Variants in DLGAP4 observed in about 807,000 individuals in gnomAD.
The protein encoded by DLGAP4 is DLG associated protein 4.
A neutral mutation model predicts 86.9 loss-of-function variants in DLGAP4; 18 were observed. The observed-to-expected ratio is 0.21, with a 90% CI of 0.14 to 0.31. DLGAP4 has a LOEUF of 0.31. Ranked by LOEUF, DLGAP4 falls within the 10% of genes least tolerant of loss-of-function variation. The pLI, the probability that DLGAP4 is intolerant of heterozygous loss-of-function variation, is 1.00. For missense variants in DLGAP4, 1,085 were observed against 1,362.6 expected (o/e 0.80, Z 3.21); for synonymous variants, 548 against 574.3 (o/e 0.95, Z 0.65).
intron 2 of DLGAP4, among the ~76,000 whole-genome samples, chr20:36,386,148 T>C (rs2031588145): frequency 6.6e-6 from 1 of 152,174 alleles, no homozygotes; most frequent in African/African-American, 2.4e-5. Context: ...CCCCTGAACC[T>C]TTCAGCAGCC....
At chr20:36,409,069 T>A (rs2032410347) in intron 2 of DLGAP4, among the ~76,000 whole-genome samples, 1 of 130,394 alleles carries the variant, frequency 7.7e-6, no homozygotes, top group Non-Finnish European at 1.6e-5. Context: ...AGAGTCTCGC[T>A]CTGTCACCCA....
chr20:36,515,551 C>T (rs1003778294), intron 10 of DLGAP4, among the ~76,000 whole-genome samples: 9 of 151,982 alleles, frequency 5.9e-5, no homozygotes, highest in African/African-American at 1.9e-4. Context: ...TCATTCTTAC[C>T]ATGTTATTTT....
In DLGAP4 at chr20:36,439,805, G is replaced by C. The variant is rs145596733; in HGVS notation, c.1293G>C (p.Pro431=). ...ACATGCTGCTGCCCTCCAAGTGTCC[G>C]AGCTGGGAAGAGGACTACACCCCCG... ...SVDMLLPSKC[P]SWEEDYTPVS... The change falls in exon 5 of 13, where the codon CCG becomes CCC. Residue 431 remains proline (P), a synonymous_variant. Coordinates refer to ENST00000339266, the MANE Select transcript of DLGAP4 (RefSeq NM_001365621.2). The C allele has an allele frequency of 1.2e-6, 2 of 1,613,840 alleles. No individual in the cohort carries two copies. The highest frequency in any genetic ancestry group is 2.2e-5 in the East Asian group (1 of 44,882).
At chr20:36,339,739 C>T (rs971030036) in intron 1 of DLGAP4, among the ~76,000 whole-genome samples, 3 of 152,198 alleles carry the variant, frequency 2.0e-5, no homozygotes, top group Admixed American at 2.0e-4. Flanking sequence ...CACAAACTCC[C>T]AGTGGGCCAT....
At position 36,431,058 on chromosome 20, in the gene DLGAP4, G is replaced by A. The variant is rs2033115774; in HGVS notation, c.-72-588G>A. ...AGCCCTGGGGACATGCCCACCAGCA[G>A]GCTGCATCCCCCCATAGACCACCCT... On this transcript the variant is annotated intron_variant, in intron 2 of 12. Transcript: ENST00000339266. This position sits in a 1 kb window ranked among gnomAD's most constrained non-coding sequence, Gnocchi z 5.1. Among the ~76,000 whole-genome samples the A allele has an allele frequency of 1.3e-5, 2 of 152,080 alleles. No homozygotes were observed. Among genetic ancestry groups the A allele is most frequent in the East Asian group, 3.9e-4 (2 of 5,186 alleles).
chr20:36,481,440 G>A (rs889921965), intron 7 of DLGAP4, among the ~76,000 whole-genome samples: 1 of 152,054 alleles, frequency 6.6e-6, no homozygotes, highest in Admixed American at 6.5e-5. Flanking sequence ...CTCACTTTAC[G>A]CTAAGCACAA....
intron 2 of DLGAP4, among the ~76,000 whole-genome samples, chr20:36,405,497 A>G (rs2032291627): frequency 6.6e-6 from 1 of 152,130 alleles, no homozygotes; most frequent in African/African-American, 2.4e-5. Flanking sequence ...GGCAGACCAC[A>G]TGAGAAATTC....
chr20:36,525,447 T>C (rs995251417), intron 11 of DLGAP4: 5 of 266,008 alleles, frequency 1.9e-5, no homozygotes, highest in South Asian at 9.8e-5. Flanking sequence ...GGTTGCGTTG[T>C]CATGGAACAG....
At chr20:36,371,249 G>A (rs759303683) in intron 2 of DLGAP4, among the ~76,000 whole-genome samples, 1 of 152,184 alleles carries the variant, frequency 6.6e-6, no homozygotes, top group African/African-American at 2.4e-5. Context: ...CATGGAGCGG[G>A]GTAGTCTGCT....
At chr20:36,502,336 C>G (rs2036181986) in intron 10 of DLGAP4, among the ~76,000 whole-genome samples, 1 of 152,162 alleles carries the variant, frequency 6.6e-6, no homozygotes, top group South Asian at 2.1e-4. Flanking sequence ...AAAATACACT[C>G]CATTTGCTAA....
intron 7 of DLGAP4, among the ~76,000 whole-genome samples, chr20:36,465,877 T>G (rs548050260): frequency 3.3e-5 from 5 of 152,130 alleles, no homozygotes; most frequent in African/African-American, 1.2e-4. Flanking sequence ...GCTGTCCTCT[T>G]CCCCTATAGT....
At chr20:36,510,702 C>T (rs892721379) in intron 10 of DLGAP4, among the ~76,000 whole-genome samples, 2 of 150,068 alleles carry the variant, frequency 1.3e-5, no homozygotes, top group African/African-American at 4.9e-5. Context: ...TGAGCCACTG[C>T]GCCCAGCTGA....
intron 1 of DLGAP4, among the ~76,000 whole-genome samples, chr20:36,359,206 G>A (rs1378142550): frequency 1.3e-5 from 2 of 152,068 alleles, no homozygotes; most frequent in African/African-American, 2.4e-5. Context: ...TGTAACCTCC[G>A]TCTCCCAGAT....
intron 2 of DLGAP4, among the ~76,000 whole-genome samples, chr20:36,424,866 G>T (rs758752406): frequency 7.9e-5 from 12 of 152,044 alleles, no homozygotes; most frequent in Non-Finnish European, 1.3e-4. Flanking sequence ...CTCCCAAGTG[G>T]CTGGGATTAT....
chr20:36,501,064 CTTT>C (rs11480703), intron 10 of DLGAP4, among the ~76,000 whole-genome samples: 71 of 138,094 alleles, frequency 5.1e-4, no homozygotes, highest in Middle Eastern at 7.5e-3. Context: ...CCTTCAACAA[CTTT>C]TTTTTTTTTT....
chr20:36,408,239 A>C (rs2032382923), intron 2 of DLGAP4, among the ~76,000 whole-genome samples: 1 of 151,838 alleles, frequency 6.6e-6, no homozygotes, highest in African/African-American at 2.4e-5. Flanking sequence ...GGGGAGTGAG[A>C]AAGGGAAGAA....
At chr20:36,412,724 C>T (rs527483242) in intron 2 of DLGAP4, among the ~76,000 whole-genome samples, 1 of 152,262 alleles carries the variant, frequency 6.6e-6, no homozygotes, top group East Asian at 1.9e-4. Context: ...TCTTGATTCA[C>T]AAGACTTTTG....
At chr20:36,513,850 T>G (rs1017240315) in intron 10 of DLGAP4, among the ~76,000 whole-genome samples, 1 of 152,134 alleles carries the variant, frequency 6.6e-6, no homozygotes, top group Admixed American at 6.6e-5. Context: ...ATAGGAAATG[T>G]CGATCTGGGG....
At chr20:36,419,409 G>A (rs2032758922) in intron 2 of DLGAP4, among the ~76,000 whole-genome samples, 1 of 152,138 alleles carries the variant, frequency 6.6e-6, no homozygotes, top group Non-Finnish European at 1.5e-5. Context: ...TTATAGGTGT[G>A]AGCCACTGTA....
Sources: gnomAD v4.1 joint callset for allele counts (sites outside exome capture counted in the v4.1 genomes callset) on GRCh38, gnomAD v4.1.1 for gene constraint, Gnocchi (gnomAD v3.1) non-coding constraint, MANE v1.5 for transcripts, NCBI Gene and HGNC (gene_info 2026-07-23, HGNC 2026-07-21) for gene names.